BCL6B: variants seen among roughly 807,000 people sequenced by gnomAD.
BCL6B encodes B-cell CLL/lymphoma 6 member B protein.
A neutral mutation model predicts 44.6 loss-of-function variants in BCL6B; 28 were observed. The observed-to-expected ratio is 0.63, with a 90% CI of 0.47 to 0.86. The LOEUF is 0.86. Among genes scored for constraint, BCL6B ranks in the 40% least tolerant of loss-of-function variants. The probability of loss-of-function intolerance (pLI) is 0.00; values close to 1 mark genes in which losing one functional copy is unlikely to be tolerated. For missense variants in BCL6B, 626 were observed against 652.3 expected, an observed-to-expected ratio of 0.96 and a Z score of 0.44; for synonymous variants, 268 against 263.6, an observed-to-expected ratio of 1.02 and a Z score of -0.16.
chr17:7,024,605 A>G lies in BCL6B; in HGVS notation c.606A>G (p.Leu202=), dbSNP rs1356349209. ...CNWKKYKYIV[L]NSQASQAGSL... is the part of the protein sequence containing the mutation. ...GGAAAAAGTACAAGTACATCGTGCT[A>G]AACTCTCAGGCCTCCCAAGCAGGGA... Residue 202 remains leucine (L), a synonymous_variant, in exon 4 of 9, where the codon CTA becomes CTG. Coordinates refer to ENST00000293805, the MANE Select transcript of BCL6B (RefSeq NM_181844.4). This position sits in a 1 kb window ranked among gnomAD's most constrained non-coding sequence, Gnocchi z 6.6. 1.9e-6 allele frequency: 3 copies of G among 1,614,028 alleles called. No homozygotes were observed. The highest frequency in any genetic ancestry group is 2.5e-6 in the Non-Finnish European group (3 of 1,180,024).
At position 7,024,616 on chromosome 17, in the gene BCL6B, C is replaced by T; in HGVS notation, c.617C>T (p.Ala206Val). 2 of 1,614,188 alleles carry T rather than the reference C, an allele frequency of 1.2e-6. No individual in the cohort carries two copies. The highest frequency in any genetic ancestry group is 2.2e-5 in the South Asian group (2 of 91,080). The change falls in exon 4 of 9, where the codon GCC becomes GTC. Residue 206 changes from alanine (A) to valine (V), a missense_variant. Coordinates refer to ENST00000293805, the MANE Select transcript of BCL6B (RefSeq NM_181844.4). The surrounding 1 kb of genome is among the most constrained non-coding windows in gnomAD (Gnocchi z 6.6). ...AAGTACATCGTGCTAAACTCTCAGG[C>T]CTCCCAAGCAGGGAGCCTGGTCGGG... is the stretch of plus-strand genomic sequence containing the variant. Reference protein sequence around the residue: ...KYKYIVLNSQASQAGSLVGER... With the variant: ...KYKYIVLNSQVSQAGSLVGER...
rs915829418 is a variant in BCL6B at position 7,024,457 on chromosome 17, C to T, written c.458C>T (p.Pro153Leu). Residue 153 changes from proline to leucine, a missense_variant, in exon 4 of 9, where the codon CCA (proline) becomes CTA (leucine). Coordinates refer to ENST00000293805, the MANE Select transcript of BCL6B (RefSeq NM_181844.4). The surrounding 1 kb of genome is among the most constrained non-coding windows in gnomAD (Gnocchi z 6.6). The part of the protein sequence containing the change: ...RPLEAEPPTP[P>L]TAPPPGSPRR... Reference sequence around the variant, plus strand: ...CTGGAAGCAGAACCCCCAACACCCCCAACGGCCCCTCCACCAGGTAGTCCC... The same window carrying T: ...CTGGAAGCAGAACCCCCAACACCCCTAACGGCCCCTCCACCAGGTAGTCCC... 4.3e-6 allele frequency: 7 copies of T among 1,613,842 alleles called. No homozygotes were observed. The highest frequency in any genetic ancestry group is 5.9e-6 in the Non-Finnish European group (7 of 1,179,948).
intron 1 of BCL6B, 84 bp from the exon 2 acceptor site, chr17:7,023,576 G>T (rs1910186805): frequency 3.0e-6 from 4 of 1,348,522 alleles, no homozygotes; most frequent in Non-Finnish European, 4.0e-6. Flanking sequence ...GGCTCTAGTT[G>T]CACCTCGGAA....
chr17:7,028,090 T>A lies in BCL6B; in HGVS notation c.*471T>A. The A allele has an allele frequency of 1.0e-6, 1 of 989,422 alleles. No individual in the cohort carries two copies. Among genetic ancestry groups the A allele is most frequent in the African/African-American group, 1.7e-5 (1 of 57,458 alleles). The allele number at this position is 989,422 out of a possible 1,614,324, so 61.3% of individuals were successfully genotyped here. The stretch of plus-strand genomic sequence containing the variant: ...TCACAGCTCTGCTGGCAGAGATTAC[T>A]AGCCCTTGGCTCTCTCGTTTGGCTT... On this transcript the variant is annotated 3_prime_UTR_variant, in exon 9 of 9. Transcript: ENST00000293805.
chr17:7,025,381 T>C (rs1317383394), intron 5 of BCL6B, among the ~76,000 whole-genome samples, 181 bp downstream of exon 5: 1 of 152,240 alleles, frequency 6.6e-6, no homozygotes, highest in Non-Finnish European at 1.5e-5. Flanking sequence ...TATCTGGACA[T>C]GGGACGAGTC....
chr17:7,024,114 G>C lies in BCL6B; in HGVS notation c.211G>C (p.Ala71Pro). ...GFFYSIFRGR[A>P]GVGVDVLSLP... ...CTTCTATTCAATTTTCCGGGGCCGT[G>C]CGGGAGTCGGGGTGGACGTGCTCTC... The change falls in exon 3 of 9, where the codon GCG (alanine) becomes CCG (proline). Residue 71 changes from alanine (A) to proline (P), a missense_variant. By Grantham distance (27) the Ala-to-Pro change is conservative. Coordinates refer to ENST00000293805, the MANE Select transcript of BCL6B (RefSeq NM_181844.4). The surrounding 1 kb of genome is among the most constrained non-coding windows in gnomAD (Gnocchi z 6.6). The C allele has an allele frequency of 6.2e-7, 1 of 1,614,028 alleles. No individual in the cohort carries two copies. Among genetic ancestry groups the C allele is most frequent in the African/African-American group, 1.3e-5 (1 of 75,046 alleles).
In BCL6B at chr17:7,025,162, C is replaced by A. The variant is rs746534381; in HGVS notation, c.851C>A (p.Thr284Asn). The change falls in exon 5 of 9, where the codon ACC becomes AAC. Residue 284 changes from threonine (T) to asparagine (N), a missense_variant. Coordinates refer to ENST00000293805, the MANE Select transcript of BCL6B (RefSeq NM_181844.4). ...CTCCTCACATCCCAGGCTCAAGACA[C>A]CTCTGGATCACCCTCTGAACGGGCT... ...PYLLTSQAQD[T>N]SGSPSERARP... The A allele has an allele frequency of 6.2e-7, 1 of 1,614,196 alleles. No individual in the cohort carries two copies. Among genetic ancestry groups the A allele is most frequent in the African/African-American group, 1.3e-5 (1 of 75,030 alleles).
intron 2 of BCL6B, 50 bp downstream of exon 2, chr17:7,023,900 C>T: frequency 6.3e-7 from 1 of 1,590,924 alleles, no homozygotes; most frequent in Non-Finnish European, 8.6e-7. Flanking sequence ...GGGGTGGGAC[C>T]ACAGGGCCGT....
chr17:7,027,073 G>T lies in BCL6B; in HGVS notation c.1309G>T (p.Glu437Ter), dbSNP rs1266556324. Residue 437 changes from glutamate to a stop codon, truncating the protein, a stop_gained, in exon 8 of 9, where the codon GAG becomes TAG. Coordinates refer to ENST00000293805, the MANE Select transcript of BCL6B (RefSeq NM_181844.4). LOFTEE classifies it high-confidence loss of function. ...LKSHVRIHTG[E>*]KPYHCDPCGL... ...GAGCCACGTTCGCATCCACACCGGAGAGAAGCCTTACCACGTGGGTACCCA... is the reference window on the plus strand; with the variant it reads ...GAGCCACGTTCGCATCCACACCGGATAGAAGCCTTACCACGTGGGTACCCA... The T allele has an allele frequency of 5.0e-6, 8 of 1,613,904 alleles. No homozygotes were observed. The South Asian group carries it at 5.5e-5, about 11-fold the overall frequency.
In BCL6B at chr17:7,024,373, G is replaced by T; in HGVS notation, c.402-28G>T. 6.2e-7 allele frequency: 1 copy of T among 1,612,318 alleles called. No individual in the cohort carries two copies. The highest frequency in any genetic ancestry group is 8.5e-7 in the Non-Finnish European group (1 of 1,178,990). ...GGGCAAAGGCAGAGTTTAGGAAATG[G>T]CACTAACGTTCATCACACTTTCCCC... On this transcript the variant is annotated intron_variant, in intron 3 of 8. Transcript: ENST00000293805. The surrounding 1 kb of genome is among the most constrained non-coding windows in gnomAD (Gnocchi z 6.6).
chr17:7,024,247 C>T lies in BCL6B; in HGVS notation c.344C>T (p.Ala115Val). 6.2e-7 allele frequency: 1 copy of T among 1,613,778 alleles called. No individual in the cohort carries two copies. Among genetic ancestry groups the T allele is most frequent in the Non-Finnish European group, 8.5e-7 (1 of 1,180,020 alleles). Residue 115 changes from alanine (A) to valine (V), a missense_variant, in exon 3 of 9, where the codon GCC becomes GTC. By Grantham distance (64) the Ala-to-Val change is moderately conservative. Transcript: ENST00000293805. This position sits in a 1 kb window ranked among gnomAD's most constrained non-coding sequence, Gnocchi z 6.6. ...ACTGCACCAGCAGTCCTAGCGGCCG[C>T]CACCTATTTGCAGATGGAGCACGTG... ...PATAPAVLAAATYLQMEHVVQ... is the reference protein window; with the variant it reads ...PATAPAVLAAVTYLQMEHVVQ...
At chr17:7,026,379 G>C (rs1252126434) in intron 5 of BCL6B, 78 bp from the exon 6 acceptor site, 1 of 1,529,812 alleles carries the variant, frequency 6.5e-7, no homozygotes, top group East Asian at 2.3e-5. Flanking sequence ...GCCTGCTACT[G>C]TGTGGTTTGA....
At position 7,024,852 on chromosome 17, in the gene BCL6B, G is replaced by A. The variant is rs1399539504; in HGVS notation, c.764+89G>A. The A allele has an allele frequency of 4.0e-6, 6 of 1,490,468 alleles. No individual in the cohort carries two copies. The Admixed American group carries it at 1.4e-4, about 35-fold the overall frequency. 92.3% of individuals were successfully genotyped at this position (1,490,468 alleles called of 1,614,324 possible). A position where few individuals can be genotyped will look rare whatever the true frequency, so the allele number is the denominator to read the frequency against. ...GGCCTTGATGGTCAGGAGGAAGGGAGATAGGTGGTGGGTTTCAGAGACACT... is the reference window on the plus strand; with the variant it reads ...GGCCTTGATGGTCAGGAGGAAGGGAAATAGGTGGTGGGTTTCAGAGACACT... On this transcript the variant is annotated intron_variant, in intron 4 of 8. Coordinates refer to ENST00000293805, the MANE Select transcript of BCL6B (RefSeq NM_181844.4). This position sits in a 1 kb window ranked among gnomAD's most constrained non-coding sequence, Gnocchi z 6.6.
rs755336914 is a variant in BCL6B, at chr17:7,024,375, A to G, written c.402-26A>G. 1.9e-6 allele frequency: 3 copies of G among 1,612,330 alleles called. No homozygotes were observed. The highest frequency in any genetic ancestry group is 2.2e-5 in the East Asian group (1 of 44,850). ...GCAAAGGCAGAGTTTAGGAAATGGC[A>G]CTAACGTTCATCACACTTTCCCCAG... On this transcript the variant is annotated intron_variant, in intron 3 of 8. Coordinates refer to ENST00000293805, the MANE Select transcript of BCL6B (RefSeq NM_181844.4). This position sits in a 1 kb window ranked among gnomAD's most constrained non-coding sequence, Gnocchi z 6.6.
Position 7,024,563 on chromosome 17 carries a change from C to A in BCL6B, c.564C>A (p.Asp188Glu), listed in dbSNP as rs1910229638. 1 of 1,613,974 alleles carries A rather than the reference C, an allele frequency of 6.2e-7. No individual in the cohort carries two copies. Among genetic ancestry groups the A allele is most frequent in the Admixed American group, 1.7e-5 (1 of 59,996 alleles). The change falls in exon 4 of 9, where the codon GAC becomes GAA. Residue 188 changes from aspartate (D) to glutamate (E), a missense_variant. Coordinates refer to ENST00000293805, the MANE Select transcript of BCL6B (RefSeq NM_181844.4). This position sits in a 1 kb window ranked among gnomAD's most constrained non-coding sequence, Gnocchi z 6.6. ...SQGPPSPASPDPKACNWKKYK... is the reference protein window; with the variant it reads ...SQGPPSPASPEPKACNWKKYK... ...GCCCCCCCAGTCCAGCCAGCCCTGA[C>A]CCCAAGGCCTGCAACTGGAAAAAGT...
chr17:7,026,804 AGT>A lies in BCL6B; in HGVS notation c.1158_1159del (p.Cys386Ter). On this transcript the variant is annotated frameshift_variant, in exon 7 of 9. Coordinates refer to ENST00000293805, the MANE Select transcript of BCL6B (RefSeq NM_181844.4). LOFTEE classifies it high-confidence loss of function. ...ATCCATTCGGGAGAGAAGCCGTATA[AGT>A]GTGAGACGTGCGGCTCGCGCTTTGT... 2 of 1,614,142 alleles carry A rather than the reference AGT, an allele frequency of 1.2e-6. No individual in the cohort carries two copies. Among genetic ancestry groups the A allele is most frequent in the Non-Finnish European group, 1.7e-6 (2 of 1,180,040 alleles).
At position 7,024,020 on chromosome 17, in the gene BCL6B, T is replaced by C; in HGVS notation, c.180-63T>C. 3.8e-6 allele frequency: 6 copies of C among 1,574,104 alleles called. No individual in the cohort carries two copies. Among genetic ancestry groups the C allele is most frequent in the Non-Finnish European group, 5.2e-6 (6 of 1,148,170 alleles). On this transcript the variant is annotated intron_variant, in intron 2 of 8. Transcript: ENST00000293805. This position sits in a 1 kb window ranked among gnomAD's most constrained non-coding sequence, Gnocchi z 6.6. ...GACTTTTTCAGGGGGCGGGGCTTCC[T>C]GAAGCTGCGCATGTCTCCCTTGGTT...
In BCL6B at chr17:7,026,985, C is replaced by G. The variant is rs776000574; in HGVS notation, c.1221C>G (p.Thr407=). ...AHLRAHVLIH[T]GEKPYPCPTC... The stretch of plus-strand genomic sequence containing the variant: ...TGCGGGCGCACGTGCTGATCCACAC[C>G]GGGGAGAAGCCCTACCCTTGCCCTA... Residue 407 remains threonine, a synonymous_variant, in exon 8 of 9, where the codon ACC becomes ACG. Coordinates refer to ENST00000293805, the MANE Select transcript of BCL6B (RefSeq NM_181844.4). 1.9e-6 allele frequency: 3 copies of G among 1,613,252 alleles called. No individual in the cohort carries two copies. The highest frequency in any genetic ancestry group is 4.5e-5 in the East Asian group (2 of 44,892).
chr17:7,024,814 G>A lies in BCL6B; in HGVS notation c.764+51G>A. 6.5e-7 allele frequency: 1 copy of A among 1,540,940 alleles called. No homozygotes were observed. The highest frequency in any genetic ancestry group is 8.7e-7 in the Non-Finnish European group (1 of 1,143,970). On this transcript the variant is annotated intron_variant, in intron 4 of 8. Coordinates refer to ENST00000293805, the MANE Select transcript of BCL6B (RefSeq NM_181844.4). This position sits in a 1 kb window ranked among gnomAD's most constrained non-coding sequence, Gnocchi z 6.6. ...TTGTCAGAGCTGGCCTCAGCTAGAA[G>A]ACAGAGTCATTGGGCCTTGATGGTC...
Sources: allele counts gnomAD v4.1 joint callset (sites outside exome capture counted in the v4.1 genomes callset), GRCh38; gene constraint gnomAD v4.1.1; non-coding constraint Gnocchi (gnomAD v3.1); transcripts MANE v1.5; gene names NCBI Gene and HGNC (gene_info 2026-07-23, HGNC 2026-07-21).